The following CFAP58 variants were observed in gnomAD, a reference collection of about 807,000 sequenced individuals.
The protein encoded by CFAP58 is cilia- and flagella-associated protein 58.
In CFAP58, 88 loss-of-function variants were observed where a neutral mutation model predicts 119.5. That is an observed-to-expected ratio of 0.74 (90% CI 0.62 to 0.88). The LOEUF is 0.88. Among genes scored for constraint, CFAP58 ranks in the 40% least tolerant of loss-of-function variants. The pLI is 0.00. For missense variants in CFAP58, 990 were observed against 1,021.2 expected, an observed-to-expected ratio of 0.97 and a Z score of 0.42; for synonymous variants, 365 against 366.3, an observed-to-expected ratio of 1.00 and a Z score of 0.04.
intron 17 of CFAP58, 78 bp downstream of exon 17, chr10:104,450,282 A>T: frequency 6.8e-7 from 1 of 1,475,384 alleles, no homozygotes; most frequent in Non-Finnish European, 9.4e-7. Flanking sequence ...ACAGTCACAG[A>T]GTTGCAAGTT....
At chr10:104,443,625 G>A (rs894016196) in intron 15 of CFAP58, among the ~76,000 whole-genome samples, 18 of 152,342 alleles carry the variant, frequency 1.2e-4, no homozygotes, top group Middle Eastern at 3.4e-3. Context: ...GTGCTGAGGT[G>A]CATGTTGAAT....
At chr10:104,438,361 GTTTTTTTTTTTT>G (rs2012974817) in intron 15 of CFAP58, among the ~76,000 whole-genome samples, 2 of 59,308 alleles carry the variant, frequency 3.4e-5, no homozygotes, top group East Asian at 3.5e-4. Flanking sequence ...TTTTTTTTTT[GTTTTTTTTTTTT>G]GTTTTTTTTT....
At chr10:104,357,858 C>CACATATATGT (rs2014576522) in intron 1 of CFAP58, among the ~76,000 whole-genome samples, 5 of 77,428 alleles carry the variant, frequency 6.5e-5, no homozygotes, top group African/African-American at 4.3e-4. Flanking sequence ...CACATATATA[C>CACATATATGT]ACATATATAC....
At chr10:104,359,525 G>A (rs576017175) in intron 2 of CFAP58, among the ~76,000 whole-genome samples, 5 of 152,330 alleles carry the variant, frequency 3.3e-5, no homozygotes, top group South Asian at 2.1e-4. Context: ...ATAAAGGGCC[G>A]GTTGTGGTGG....
intron 15 of CFAP58, among the ~76,000 whole-genome samples, chr10:104,434,052 A>G (rs2012892515): frequency 6.6e-6 from 1 of 152,084 alleles, no homozygotes; most frequent in Non-Finnish European, 1.5e-5. Context: ...CTGGGTAGGA[A>G]TCCTGGCCAT....
chr10:104,392,004 G>C (rs2012055219), intron 9 of CFAP58, among the ~76,000 whole-genome samples: 1 of 151,884 alleles, frequency 6.6e-6, no homozygotes, highest in Non-Finnish European at 1.5e-5. Context: ...CAAAATAACT[G>C]TGTTAAGCTT....
intron 2 of CFAP58, among the ~76,000 whole-genome samples, chr10:104,359,163 T>C (rs2135246980): frequency 6.6e-6 from 1 of 152,292 alleles, no homozygotes; most frequent in Admixed American, 6.5e-5. Flanking sequence ...TACACTAGAT[T>C]TTTTTCATCC....
chr10:104,418,060 G>A (rs2012581832), intron 15 of CFAP58, among the ~76,000 whole-genome samples: 1 of 152,194 alleles, frequency 6.6e-6, no homozygotes, highest in Admixed American at 6.5e-5. Flanking sequence ...TTGTGATGAA[G>A]TTTGAATTTC....
At chr10:104,356,675 A>ATT (rs111813538) in intron 1 of CFAP58, among the ~76,000 whole-genome samples, 19 of 148,630 alleles carry the variant, frequency 1.3e-4, no homozygotes, top group Non-Finnish European at 2.5e-4. Context: ...TTTTTCTGAG[A>ATT]TTTTTTTTTT....
chr10:104,449,671 A>C (rs1304930070), intron 16 of CFAP58, among the ~76,000 whole-genome samples: 1 of 151,952 alleles, frequency 6.6e-6, no homozygotes, highest in Non-Finnish European at 1.5e-5. Context: ...TGAATCACAC[A>C]CTCTGGTGAT....
chr10:104,363,322 A>G (rs2014697434), intron 3 of CFAP58, among the ~76,000 whole-genome samples: 1 of 152,248 alleles, frequency 6.6e-6, no homozygotes, highest in African/African-American at 2.4e-5. Flanking sequence ...CGAATGAATC[A>G]GGAATGAACA....
At chr10:104,388,427 A>T (rs924610488) in intron 9 of CFAP58, among the ~76,000 whole-genome samples, 5 of 152,180 alleles carry the variant, frequency 3.3e-5, no homozygotes, top group African/African-American at 1.2e-4. Context: ...TCATAATATA[A>T]TATGTTATGC....
intron 15 of CFAP58, among the ~76,000 whole-genome samples, chr10:104,436,229 A>G (rs1489840542): frequency 1.3e-5 from 2 of 152,196 alleles, no homozygotes; most frequent in Non-Finnish European, 2.9e-5. Flanking sequence ...TCTGTTTTAT[A>G]TATGTTTTAT....
upstream of CFAP58, among the ~76,000 whole-genome samples, chr10:104,350,594 T>C (rs1191917375): frequency 2.6e-5 from 4 of 152,236 alleles, no homozygotes; most frequent in Non-Finnish European, 4.4e-5. Context: ...TGCTCAGTCA[T>C]ATTTGGGTCT....
intron 8 of CFAP58, 120 bp downstream of exon 8, chr10:104,377,013 AT>A (rs1238812545): frequency 3.0e-6 from 2 of 676,116 alleles, no homozygotes; most frequent in East Asian, 5.6e-5. Flanking sequence ...ATTAGAATAA[AT>A]AATAGTGCTT....
chr10:104,445,778 C>T (rs2013104889), intron 15 of CFAP58, among the ~76,000 whole-genome samples: 1 of 152,206 alleles, frequency 6.6e-6, no homozygotes, highest in Non-Finnish European at 1.5e-5. Flanking sequence ...TGCTGAGATC[C>T]TCACCTATGT....
intron 15 of CFAP58, among the ~76,000 whole-genome samples, chr10:104,430,369 C>T (rs902139871): frequency 3.3e-5 from 5 of 152,184 alleles, no homozygotes; most frequent in Non-Finnish European, 5.9e-5. Context: ...TGATAGTCCA[C>T]GGGGCAACAG....
At chr10:104,353,698 T>C (rs2014498118), upstream of CFAP58, 1 of 557,846 alleles carries the variant, frequency 1.8e-6, no homozygotes, top group East Asian at 2.9e-5. Flanking sequence ...CCGCAGAAGC[T>C]CCTCCCCTTT....
intron 15 of CFAP58, among the ~76,000 whole-genome samples, chr10:104,440,180 C>T (rs895856095): frequency 1.4e-5 from 2 of 147,892 alleles, no homozygotes; most frequent in Non-Finnish European, 3.0e-5. Context: ...ACCGTCTACG[C>T]ATGCTAACGT....
Sources: gnomAD v4.1 joint callset for allele counts (sites outside exome capture counted in the v4.1 genomes callset) on GRCh38, gnomAD v4.1.1 for gene constraint, MANE v1.5 for transcripts, NCBI Gene and HGNC (gene_info 2026-07-23, HGNC 2026-07-21) for gene names.